SEMA5A: variants seen among roughly 807,000 people sequenced by gnomAD.
The protein encoded by SEMA5A is semaphorin 5A.
SEMA5A carries 55 observed loss-of-function variants against 135.5 expected under a neutral mutation model. The ratio of observed to expected loss-of-function variants is 0.41; its 90% CI spans 0.33 to 0.51. The LOEUF (loss-of-function observed/expected upper bound fraction) is 0.51. Among genes scored for constraint, SEMA5A ranks in the 20% least tolerant of loss-of-function variants. The probability of loss-of-function intolerance (pLI) is 0.37; values close to 1 mark genes in which losing one functional copy is unlikely to be tolerated. For synonymous variants in SEMA5A, 580 were observed against 546.5 expected, an observed-to-expected ratio of 1.06 and a Z score of -0.85; for missense variants, 1,290 against 1,419.9, an observed-to-expected ratio of 0.91 and a Z score of 1.47.
At chr5:9,103,851 A>G (rs1178555708) in intron 16 of SEMA5A, among the ~76,000 whole-genome samples, 3 of 152,142 alleles carry the variant, frequency 2.0e-5, no homozygotes, top group African/African-American at 7.2e-5. Context: ...TAGAGTTAAG[A>G]TTTGTGTTAC....
chr5:9,103,442 C>T lies in SEMA5A; in HGVS notation c.2073+4698G>A, dbSNP rs114305871. ...TGTTATATCAACTCTGACTGACCCT[C>T]GCAGAATCCCTTTTGACAGCATGTA... On this transcript the variant is annotated intron_variant, in intron 16 of 22. Coordinates refer to ENST00000382496, the MANE Select transcript of SEMA5A (RefSeq NM_003966.3). 9.3e-4 allele frequency among the ~76,000 whole-genome samples: 142 copies of T among 152,270 alleles called. 2 individuals carry two copies. Among genetic ancestry groups the T allele is most frequent in the African/African-American group, 2.8e-3 (118 of 41,556 alleles).
At chr5:9,094,278 T>C (rs372721682) in intron 16 of SEMA5A, among the ~76,000 whole-genome samples, 3 of 147,554 alleles carry the variant, frequency 2.0e-5, no homozygotes, top group East Asian at 4.0e-4. Context: ...ATTGAAGTCA[T>C]TGAGAATTTT....
intron 1 of SEMA5A, among the ~76,000 whole-genome samples, chr5:9,538,285 C>T (rs959021263): frequency 3.3e-5 from 5 of 149,518 alleles, no homozygotes; most frequent in Admixed American, 1.3e-4. Context: ...GGGGGAGGTG[C>T]GCGGGGTGGG....
intron 4 of SEMA5A, among the ~76,000 whole-genome samples, chr5:9,324,828 G>C (rs1044925691): frequency 6.6e-6 from 1 of 152,170 alleles, no homozygotes; most frequent in African/African-American, 2.4e-5. Flanking sequence ...TGAGGTTCAT[G>C]AGAAAGGCCA....
chr5:9,149,673 C>A (rs1031738256), intron 12 of SEMA5A, among the ~76,000 whole-genome samples: 22 of 152,064 alleles, frequency 1.4e-4, no homozygotes, highest in Non-Finnish European at 4.4e-5. Context: ...TAAAAAGAGT[C>A]CAAATCAGCG....
At chr5:9,506,830 C>G (rs1219337706) in intron 1 of SEMA5A, among the ~76,000 whole-genome samples, 2 of 152,176 alleles carry the variant, frequency 1.3e-5, no homozygotes, top group East Asian at 1.9e-4. Flanking sequence ...CATGCCTCCC[C>G]CTCTATGTGC....
At chr5:9,315,101 A>G (rs983805991) in intron 5 of SEMA5A, among the ~76,000 whole-genome samples, 7 of 152,178 alleles carry the variant, frequency 4.6e-5, no homozygotes, top group Non-Finnish European at 1.0e-4. Flanking sequence ...ATGGAAATAC[A>G]TCTCCTCACT....
At chr5:9,364,792 T>C (rs3798003) in intron 3 of SEMA5A, among the ~76,000 whole-genome samples, 4,397 of 152,294 alleles carry the variant, frequency 0.029, 214 homozygotes, top group African/African-American at 0.099. Flanking sequence ...TCTCCCAAAC[T>C]TGTTGTGACT....
At chr5:9,490,740 C>T (rs1734962337) in intron 1 of SEMA5A, among the ~76,000 whole-genome samples, 1 of 152,168 alleles carries the variant, frequency 6.6e-6, no homozygotes, top group Non-Finnish European at 1.5e-5. Context: ...TGGGGCAAAC[C>T]TACTTAGAGA....
intron 16 of SEMA5A, among the ~76,000 whole-genome samples, chr5:9,079,729 G>A (rs1738265868): frequency 6.6e-6 from 1 of 152,058 alleles, no homozygotes; most frequent in Non-Finnish European, 1.5e-5. Context: ...ATCAAAAAGT[G>A]GGTGAAGGAT....
chr5:9,303,543 T>G (rs1021444255), intron 5 of SEMA5A, among the ~76,000 whole-genome samples: 1 of 152,164 alleles, frequency 6.6e-6, no homozygotes, highest in Non-Finnish European at 1.5e-5. Flanking sequence ...CTTTGTAGCA[T>G]ACATTTATGT....
rs930862776 is a variant in SEMA5A, at chr5:9,118,988, G to A, written c.1925+10C>T. On this transcript the variant is annotated intron_variant, in intron 15 of 22. Coordinates refer to ENST00000382496, the MANE Select transcript of SEMA5A (RefSeq NM_003966.3). The stretch of plus-strand genomic sequence containing the variant: ...AGGCTGGCGGTGCTGGCAGCAGGGT[G>A]GGCACGTACCTTTCCTCGCGGTTCT... The A allele has an allele frequency of 2.5e-6, 4 of 1,611,574 alleles. No homozygotes were observed. The highest frequency in any genetic ancestry group is 3.4e-6 in the Non-Finnish European group (4 of 1,178,954).
chr5:9,128,448 T>A (rs1741233395), intron 13 of SEMA5A, among the ~76,000 whole-genome samples: 2 of 152,272 alleles, frequency 1.3e-5, no homozygotes, highest in Middle Eastern at 3.4e-3. Context: ...CATGGTTATG[T>A]GTGAATATGA....
intron 3 of SEMA5A, among the ~76,000 whole-genome samples, chr5:9,375,867 T>C (rs1755343261): frequency 6.6e-6 from 1 of 151,914 alleles, no homozygotes; most frequent in African/African-American, 2.4e-5. Flanking sequence ...CTCAACTAGA[T>C]AATTCCATCT....
intron 1 of SEMA5A, among the ~76,000 whole-genome samples, chr5:9,461,777 C>T (rs1399274358): frequency 6.6e-6 from 1 of 152,158 alleles, no homozygotes; most frequent in East Asian, 1.9e-4. Context: ...AAGAGACAGG[C>T]AACGATTCTT....
Position 9,059,974 on chromosome 5 carries a change from C to A in SEMA5A, c.2518+2913G>T, listed in dbSNP as rs1173007238. Among the ~76,000 whole-genome samples, 3 of 152,314 alleles carry A rather than the reference C, an allele frequency of 2.0e-5. No individual in the cohort carries two copies. In the East Asian group the frequency reaches 5.8e-4, roughly 29 times the overall value. ...AGAGTAAATTCACAGGGGAGAGTAT[C>A]CTGAGTGAGACAGGAATCGGCCTCT... On this transcript the variant is annotated intron_variant, in intron 18 of 22. Coordinates refer to ENST00000382496, the MANE Select transcript of SEMA5A (RefSeq NM_003966.3).
At chr5:9,415,287 A>G (rs1376732966) in intron 2 of SEMA5A, among the ~76,000 whole-genome samples, 4 of 152,210 alleles carry the variant, frequency 2.6e-5, no homozygotes, top group East Asian at 3.8e-4. Flanking sequence ...ATTCCTGGGA[A>G]CTGCTCAGCA....
intron 5 of SEMA5A, among the ~76,000 whole-genome samples, chr5:9,300,030 C>T (rs950765603): frequency 2.6e-5 from 4 of 152,012 alleles, no homozygotes; most frequent in African/African-American, 9.7e-5. Flanking sequence ...CTTGTTTCTC[C>T]TCACTTTTTT....
At chr5:9,206,391 A>G (rs574252813) in intron 8 of SEMA5A, among the ~76,000 whole-genome samples, 1 of 152,318 alleles carries the variant, frequency 6.6e-6, no homozygotes, top group South Asian at 2.1e-4. Flanking sequence ...ATTTACTTAC[A>G]TAATAGTGAC....
Sources: gnomAD v4.1 joint callset for allele counts (sites outside exome capture counted in the v4.1 genomes callset) on GRCh38, gnomAD v4.1.1 for gene constraint, MANE v1.5 for transcripts, NCBI Gene and HGNC (gene_info 2026-07-23, HGNC 2026-07-21) for gene names.